MYLK4: variants seen among roughly 807,000 people sequenced by gnomAD.
MYLK4 encodes the protein caMLCK like.
MYLK4 carries 46 observed loss-of-function variants against 48.1 expected under a neutral mutation model. The observed-to-expected ratio is 0.96, with a 90% confidence interval of 0.75 to 1.22. The LOEUF (loss-of-function observed/expected upper bound fraction) is 1.22. Ranked by LOEUF, MYLK4 falls within the 50% of genes most tolerant of loss-of-function variation. The probability of loss-of-function intolerance (pLI) is 0.00; values close to 1 mark genes in which losing one functional copy is unlikely to be tolerated. For missense variants in MYLK4, 451 were observed against 486.1 expected, an observed-to-expected ratio of 0.93 and a Z score of 0.68; for synonymous variants, 170 against 180.8, an observed-to-expected ratio of 0.94 and a Z score of 0.48.
At chr6:2,718,194 A>C (rs1306758911) in intron 2 of MYLK4, among the ~76,000 whole-genome samples, 1 of 151,482 alleles carries the variant, frequency 6.6e-6, no homozygotes, top group Non-Finnish European at 1.5e-5. Context: ...AAAAAAAAAA[A>C]AAAAAAAGAA....
At position 2,743,541 on chromosome 6, in the gene MYLK4, G is replaced by A. The variant is rs75471036; in HGVS notation, c.159+5595C>T. Among the ~76,000 whole-genome samples the A allele has an allele frequency of 6.6e-3, 1,012 of 152,286 alleles. 9 individuals are homozygous for A. Among genetic ancestry groups the A allele is most frequent in the African/African-American group, 0.022 (928 of 41,542 alleles). ...CACTGCAGGTGCTGTGTTTGCAATCGATTTCTTAGTAAGAGTAGAAGCACT... is the reference window on the plus strand; with the variant it reads ...CACTGCAGGTGCTGTGTTTGCAATCAATTTCTTAGTAAGAGTAGAAGCACT... On this transcript the variant is annotated intron_variant, in intron 2 of 12. Coordinates refer to ENST00000274643, the MANE Select transcript of MYLK4 (RefSeq NM_001012418.5).
chr6:2,761,827 T>C, the MYLK4 span, among the ~76,000 whole-genome samples: 8 of 152,312 alleles, frequency 5.3e-5, no homozygotes, highest in Admixed American at 4.6e-4. Flanking sequence ...ATCTTTGCTT[T>C]GTATTTTTCC....
chr6:2,712,158 C>T (rs1762697040), intron 2 of MYLK4, among the ~76,000 whole-genome samples: 1 of 152,216 alleles, frequency 6.6e-6, no homozygotes. Context: ...GGATGCCACT[C>T]TCCCTTAACA....
At chr6:2,752,667 T>C (rs976235919), upstream of MYLK4, among the ~76,000 whole-genome samples, 1 of 152,130 alleles carries the variant, frequency 6.6e-6, no homozygotes, top group Non-Finnish European at 1.5e-5. Context: ...GCTGTGGAGA[T>C]AGAAACTGGA....
At chr6:2,733,428 T>C (rs1372549804) in intron 2 of MYLK4, among the ~76,000 whole-genome samples, 1 of 151,872 alleles carries the variant, frequency 6.6e-6, no homozygotes, top group Non-Finnish European at 1.5e-5. Context: ...AACCAAGCAA[T>C]GGGAGGAGCT....
Position 2,678,210 on chromosome 6 carries a change from C to A in MYLK4, c.1040+10G>T, listed in dbSNP as rs769252075. ...TACTGCGCCCGGAGCACAGGACGAA[C>A]TTGCGTTACCTCTTCTCCTTAATCA... is the stretch of plus-strand genomic sequence containing the variant. On this transcript the variant is annotated intron_variant, in intron 10 of 12. Transcript: ENST00000274643. The A allele has an allele frequency of 5.6e-6, 9 of 1,613,154 alleles. No homozygotes were observed. The highest frequency in any genetic ancestry group is 1.7e-5 in the Admixed American group (1 of 59,952).
chr6:2,688,426 A>T (rs943559415), intron 4 of MYLK4, among the ~76,000 whole-genome samples: 1 of 152,244 alleles, frequency 6.6e-6, no homozygotes, highest in African/African-American at 2.4e-5. Flanking sequence ...TGCTGAGCAA[A>T]GTAATCAATT....
At chr6:2,690,823 CTT>C (rs35133716) in intron 3 of MYLK4, among the ~76,000 whole-genome samples, 252 of 88,820 alleles carry the variant, frequency 2.8e-3, no homozygotes, top group African/African-American at 3.7e-3. Context: ...CTCTCTGAAT[CTT>C]TTTTTTTTTT....
intron 2 of MYLK4, among the ~76,000 whole-genome samples, chr6:2,728,058 T>A (rs184124169): frequency 1.3e-4 from 20 of 152,206 alleles, no homozygotes; most frequent in Non-Finnish European, 2.2e-4. Context: ...TTTCCCCCAT[T>A]CTACACACAA....
At chr6:2,770,375 G>T in the MYLK4 span, 1 of 1,613,822 alleles carries the variant, frequency 6.2e-7, no homozygotes, top group Non-Finnish European at 8.5e-7. Flanking sequence ...AGTTGACAGT[G>T]TGCAGCGTCC....
chr6:2,746,860 T>G (rs1764111059), intron 2 of MYLK4, among the ~76,000 whole-genome samples: 1 of 152,228 alleles, frequency 6.6e-6, no homozygotes, highest in African/African-American at 2.4e-5. Context: ...ACATCTGAGC[T>G]GCTGGAATGT....
the MYLK4 span, among the ~76,000 whole-genome samples, chr6:2,768,380 G>A: frequency 6.6e-6 from 1 of 152,192 alleles, no homozygotes; most frequent in Non-Finnish European, 1.5e-5. Context: ...AATCAAGACA[G>A]CCGTTCTTTA....
intron 2 of MYLK4, among the ~76,000 whole-genome samples, chr6:2,712,958 AG>A (rs2113255612): frequency 6.6e-6 from 1 of 152,370 alleles, no homozygotes; most frequent in Admixed American, 6.5e-5. Context: ...CCCTTGAGGA[AG>A]GCATTTAACA....
At chr6:2,761,891 G>A in the MYLK4 span, among the ~76,000 whole-genome samples, 1 of 152,066 alleles carries the variant, frequency 6.6e-6, no homozygotes, top group African/African-American at 2.4e-5. Context: ...AAAAGGAAAT[G>A]GCATTATACT....
chr6:2,745,140 G>T (rs991605335), intron 2 of MYLK4, among the ~76,000 whole-genome samples: 8 of 152,164 alleles, frequency 5.3e-5, no homozygotes, highest in African/African-American at 1.9e-4. Context: ...TGAGAAGCAC[G>T]CAGGGCCGAA....
intron 2 of MYLK4, among the ~76,000 whole-genome samples, chr6:2,718,502 C>T (rs1293031902): frequency 1.3e-5 from 2 of 152,190 alleles, no homozygotes; most frequent in African/African-American, 4.8e-5. Flanking sequence ...TTTGCCCTTC[C>T]ATCATCCTTC....
intron 2 of MYLK4, among the ~76,000 whole-genome samples, chr6:2,740,773 C>T (rs891813203): frequency 3.3e-5 from 5 of 152,204 alleles, no homozygotes; most frequent in South Asian, 4.1e-4. Flanking sequence ...CTATACTAAA[C>T]GCTGCCTACG....
chr6:2,768,299 C>T, the MYLK4 span, among the ~76,000 whole-genome samples: 2 of 152,180 alleles, frequency 1.3e-5, no homozygotes, highest in Non-Finnish European at 2.9e-5. Flanking sequence ...CACCTAGATC[C>T]TTCCGTGCTG....
intron 2 of MYLK4, among the ~76,000 whole-genome samples, chr6:2,704,464 A>C (rs973737471): frequency 6.6e-6 from 1 of 152,232 alleles, no homozygotes; most frequent in African/African-American, 2.4e-5. Flanking sequence ...TTTTTGAAGT[A>C]ATTTACCATT....
Sources: allele counts gnomAD v4.1 joint callset (sites outside exome capture counted in the v4.1 genomes callset), GRCh38; gene constraint gnomAD v4.1.1; transcripts MANE v1.5; gene names NCBI Gene and HGNC (gene_info 2026-07-23, HGNC 2026-07-21).